Variants in RORA observed in about 807,000 individuals in gnomAD.
RORA encodes the protein RAR related orphan receptor A.
RORA carries 7 observed loss-of-function variants against 69.5 expected under a neutral mutation model. That is an observed-to-expected ratio of 0.10 (90% CI 0.06 to 0.19). The LOEUF is 0.19. Among genes scored for constraint, RORA ranks in the 10% least tolerant of loss-of-function variants. RORA has a pLI of 1.00. For synonymous variants in RORA, 261 were observed against 240.8 expected (o/e 1.08, Z -0.78); for missense variants, 457 against 663.0 (o/e 0.69, Z 3.41).
At chr15:60,556,753 G>T (rs1409259451) in intron 2 of RORA, 3 of 855,182 alleles carry the variant, frequency 3.5e-6, no homozygotes, top group East Asian at 4.9e-5. Flanking sequence ...TCATTTTCTG[G>T]TTCTGCGGGA....
chr15:60,637,721 C>T lies in RORA; in HGVS notation c.196+40936G>A, dbSNP rs28616597. Among the ~76,000 whole-genome samples the T allele has an allele frequency of 5.2e-3, 790 of 152,132 alleles. 2 individuals carry two copies. Among genetic ancestry groups the T allele is most frequent in the Non-Finnish European group, 6.8e-3 (463 of 67,960 alleles). ...ATATGCAAGATTCTTTTTACATATG[C>T]GAGATTATGTTTTGGGGTTTTCTTT... is the stretch of plus-strand genomic sequence containing the variant. On this transcript the variant is annotated intron_variant, in intron 2 of 10. Coordinates refer to ENST00000335670, the MANE Select transcript of RORA (RefSeq NM_134261.3).
chr15:60,560,979 TC>T (rs2067522697), intron 2 of RORA, among the ~76,000 whole-genome samples: 1 of 152,156 alleles, frequency 6.6e-6, no homozygotes, highest in Non-Finnish European at 1.5e-5. Flanking sequence ...ACATCTGTAC[TC>T]CCACATGAGC....
At chr15:60,576,640 C>A (rs8035221) in intron 2 of RORA, among the ~76,000 whole-genome samples, 3,380 of 152,242 alleles carry the variant, frequency 0.022, 136 homozygotes, top group African/African-American at 0.078. Context: ...ATCTGTTAGT[C>A]GAGGGCTTAG....
In RORA at chr15:60,653,016, A is replaced by G. The variant is rs77570722; in HGVS notation, c.196+25641T>C. The stretch of plus-strand genomic sequence containing the variant: ...GGTTTGCAACAACAGAGTTCACTTC[A>G]TAATCACCAGACTTCAGCCCGTAAG... On this transcript the variant is annotated intron_variant, in intron 2 of 10. Coordinates refer to ENST00000335670, the MANE Select transcript of RORA (RefSeq NM_134261.3). 6.0e-3 allele frequency among the ~76,000 whole-genome samples: 909 copies of G among 152,344 alleles called. 36 individuals are homozygous for G. In the East Asian group the frequency reaches 0.087, roughly 15 times the overall value.
chr15:61,202,009 CTTTTT>C (rs71861160), intron 1 of RORA, among the ~76,000 whole-genome samples: 2 of 123,716 alleles, frequency 1.6e-5, no homozygotes, highest in African/African-American at 2.9e-5. Flanking sequence ...CCTGCTTGAT[CTTTTT>C]TTTTTTTTTT....
At chr15:60,949,170 C>G (rs180853558) in intron 1 of RORA, among the ~76,000 whole-genome samples, 1 of 152,130 alleles carries the variant, frequency 6.6e-6, no homozygotes, top group Admixed American at 6.5e-5. Flanking sequence ...TAGCACACAC[C>G]CCCTATGACA....
intron 1 of RORA, among the ~76,000 whole-genome samples, chr15:60,981,652 TTTTATAA>T (rs1310066890): frequency 6.6e-6 from 1 of 152,188 alleles, no homozygotes; most frequent in Non-Finnish European, 1.5e-5. Context: ...TTTGGTCCCA[TTTTATAA>T]TTTATATCTC....
chr15:61,168,118 T>C (rs542957953), intron 1 of RORA, among the ~76,000 whole-genome samples: 1 of 150,304 alleles, frequency 6.7e-6, no homozygotes, highest in Non-Finnish European at 1.5e-5. Context: ...ATATATAATA[T>C]ATATTAAAAA....
chr15:60,982,067 T>A (rs1894059785), intron 1 of RORA, among the ~76,000 whole-genome samples: 1 of 152,262 alleles, frequency 6.6e-6, no homozygotes, highest in African/African-American at 2.4e-5. Context: ...GTTAGCTTAG[T>A]GGCCAATTAA....
At chr15:60,650,701 G>C (rs1227063145) in intron 2 of RORA, 1 of 152,180 alleles carries the variant, frequency 6.6e-6, no homozygotes, top group Non-Finnish European at 1.5e-5. Context: ...GCAATTTTCT[G>C]TTGGTCCCTA....
rs1002340605 is a variant in RORA, at chr15:60,494,575, A to G, written c.*2880T>C. On this transcript the variant is annotated 3_prime_UTR_variant, in exon 11 of 11. Coordinates refer to ENST00000335670, the MANE Select transcript of RORA (RefSeq NM_134261.3). ...TTTTTCACATCCTTTTCTGAGCTCC[A>G]TATTTTTTTTAAACTGAATTTATTG... The G allele has an allele frequency of 7.3e-6, 1 of 137,620 alleles. No individual in the cohort carries two copies. Among genetic ancestry groups the G allele is most frequent in the Non-Finnish European group, 1.7e-5 (1 of 60,576 alleles). 8.5% of individuals were successfully genotyped at this position (137,620 alleles called of 1,614,324 possible). A position where few individuals can be genotyped will look rare whatever the true frequency, so the allele number is the denominator to read the frequency against.
At chr15:60,594,540 GA>G (rs2068625806) in intron 2 of RORA, among the ~76,000 whole-genome samples, 1 of 152,186 alleles carries the variant, frequency 6.6e-6, no homozygotes, top group South Asian at 2.1e-4. Context: ...TCCTGCTTTA[GA>G]AAACAATGTT....
intron 1 of RORA, among the ~76,000 whole-genome samples, chr15:60,952,200 T>C (rs1893129030): frequency 6.6e-6 from 1 of 151,740 alleles, no homozygotes; most frequent in Non-Finnish European, 1.5e-5. Context: ...CACATGATTA[T>C]CTCAATAGAT....
At chr15:60,597,607 T>C (rs1197335063) in intron 2 of RORA, among the ~76,000 whole-genome samples, 663 of 45,298 alleles carry the variant, frequency 0.015, 63 homozygotes, top group African/African-American at 0.067. Flanking sequence ...CATATATATA[T>C]ATATATATAT....
At chr15:60,528,275 G>C (rs937532608) in intron 3 of RORA, 3 of 152,258 alleles carry the variant, frequency 2.0e-5, no homozygotes, top group African/African-American at 7.3e-5. Context: ...GTGTTGCTCA[G>C]GCTGGTCTTG....
At chr15:60,659,266 A>C (rs898088180) in intron 2 of RORA, among the ~76,000 whole-genome samples, 5 of 152,302 alleles carry the variant, frequency 3.3e-5, no homozygotes, top group African/African-American at 1.2e-4. Context: ...AGAGTGGAAA[A>C]GGGTACTGAT....
At chr15:60,552,239 C>G (rs1381358748) in intron 2 of RORA, among the ~76,000 whole-genome samples, 1 of 152,204 alleles carries the variant, frequency 6.6e-6, no homozygotes, top group African/African-American at 2.4e-5. Context: ...CAGTCTCCGT[C>G]TGAGCCACAA....
At chr15:60,767,971 A>G (rs958651482) in intron 1 of RORA, among the ~76,000 whole-genome samples, 19 of 152,324 alleles carry the variant, frequency 1.2e-4, no homozygotes, top group African/African-American at 4.1e-4. Flanking sequence ...TGCCCAGCAC[A>G]GATGCCTGAT....
chr15:60,761,693 T>G (rs2071895074), intron 1 of RORA, among the ~76,000 whole-genome samples: 11 of 152,184 alleles, frequency 7.2e-5, no homozygotes, highest in Admixed American at 7.2e-4. Context: ...GGGGTAGACT[T>G]CTGTCCTGTC....
Sources: gnomAD v4.1 joint callset for allele counts (sites outside exome capture counted in the v4.1 genomes callset) on GRCh38, gnomAD v4.1.1 for gene constraint, MANE v1.5 for transcripts, NCBI Gene and HGNC (gene_info 2026-07-23, HGNC 2026-07-21) for gene names.